The following GRHL2 variants were observed in gnomAD, a reference collection of about 807,000 sequenced individuals.
The protein encoded by GRHL2 is grainyhead-like protein 2 homolog.
Under a neutral mutation model 83.8 loss-of-function variants are expected in GRHL2, and 21 were observed. That is an observed-to-expected ratio of 0.25 (90% CI 0.18 to 0.36). The LOEUF is 0.36. Among genes scored for constraint, GRHL2 ranks in the 10% least tolerant of loss-of-function variants. GRHL2 has a pLI of 1.00. For synonymous variants in GRHL2, 280 were observed against 278.9 expected (o/e 1.00, Z -0.04); for missense variants, 623 against 781.8 (o/e 0.80, Z 2.42).
the GRHL2 span, among the ~76,000 whole-genome samples, chr8:101,678,596 T>A: frequency 6.6e-6 from 1 of 151,730 alleles, no homozygotes; most frequent in African/African-American, 2.4e-5. Flanking sequence ...CAAGGAGGCC[T>A]GCCTGCCTCT....
At chr8:101,652,453 T>TGTGTGGTGTGC (rs1813670774) in intron 14 of GRHL2, among the ~76,000 whole-genome samples, 1 of 74,552 alleles carries the variant, frequency 1.3e-5, no homozygotes, top group Non-Finnish European at 2.6e-5. Flanking sequence ...GTGTGGTGTG[T>TGTGTGGTGTGC]GTCTGGTGTG....
At chr8:101,658,919 C>A (rs1011446826) in intron 14 of GRHL2, among the ~76,000 whole-genome samples, 4 of 152,128 alleles carry the variant, frequency 2.6e-5, no homozygotes, top group Admixed American at 1.3e-4. Flanking sequence ...CTCTTATACA[C>A]AGAAAAATGT....
At chr8:101,652,485 GTGTAT>G (rs1813675291) in intron 14 of GRHL2, among the ~76,000 whole-genome samples, 1 of 45,280 alleles carries the variant, frequency 2.2e-5, no homozygotes, top group Non-Finnish European at 4.0e-5. Flanking sequence ...TGTGGTATGT[GTGTAT>G]GTGTGTGGTG....
intron 1 of GRHL2, among the ~76,000 whole-genome samples, chr8:101,513,500 C>CTTTTTT (rs112134650): frequency 2.0e-5 from 2 of 100,186 alleles, no homozygotes; most frequent in Non-Finnish European, 3.8e-5. Context: ...TATCGTTGTG[C>CTTTTTT]TTTTTTTTTT....
Position 101,634,131 on chromosome 8 carries a change from C to A in GRHL2, c.1485+1766C>A, listed in dbSNP as rs993977236. ...CATTTGCCAGGCAGTCCAATCAGCA[C>A]CCCCCTGTATATCCTGCCTATATAT... On this transcript the variant is annotated intron_variant, in intron 11 of 15. Transcript: ENST00000646743. Among the ~76,000 whole-genome samples, 26 of 152,226 alleles carry A rather than the reference C, an allele frequency of 1.7e-4. No homozygotes were observed. The South Asian group carries it at 1.9e-3, about 11-fold the overall frequency.
At chr8:101,551,021 G>T (rs1205259280) in intron 2 of GRHL2, among the ~76,000 whole-genome samples, 1 of 152,090 alleles carries the variant, frequency 6.6e-6, no homozygotes, top group Non-Finnish European at 1.5e-5. Flanking sequence ...TTGGACATTT[G>T]GGTGGTTTCC....
chr8:101,658,018 A>C (rs536010268), intron 14 of GRHL2, among the ~76,000 whole-genome samples: 10 of 152,294 alleles, frequency 6.6e-5, no homozygotes, highest in African/African-American at 1.9e-4. Context: ...CCCCTGACAG[A>C]CAGCCAGCTT....
intron 1 of GRHL2, among the ~76,000 whole-genome samples, chr8:101,538,957 G>A (rs1414202032): frequency 6.6e-6 from 1 of 152,176 alleles, no homozygotes; most frequent in African/African-American, 2.4e-5. Context: ...GATCACGTAA[G>A]GATTCATCAA....
intron 5 of GRHL2, among the ~76,000 whole-genome samples, chr8:101,572,917 A>G (rs1322405336): frequency 6.6e-6 from 1 of 152,238 alleles, no homozygotes; most frequent in African/African-American, 2.4e-5. Context: ...CGTCTCTACC[A>G]CAACGACTCA....
chr8:101,671,333 G>A (rs1814204279), downstream of GRHL2, among the ~76,000 whole-genome samples: 1 of 152,156 alleles, frequency 6.6e-6, no homozygotes, highest in Non-Finnish European at 1.5e-5. Flanking sequence ...TTTTCCAATG[G>A]GCTTAAAAAA....
chr8:101,676,127 T>C, the GRHL2 span, among the ~76,000 whole-genome samples: 2 of 151,400 alleles, frequency 1.3e-5, no homozygotes, highest in Non-Finnish European at 3.0e-5. Flanking sequence ...ACCTAGGCAT[T>C]ACCATTCAGG....
intron 13 of GRHL2, among the ~76,000 whole-genome samples, chr8:101,649,198 A>G (rs1342428623): frequency 1.3e-5 from 2 of 152,218 alleles, no homozygotes; most frequent in Non-Finnish European, 2.9e-5. Flanking sequence ...TTGTCGGTTT[A>G]TCTCATCTAA....
chr8:101,561,032 A>G (rs1332311213), intron 4 of GRHL2, among the ~76,000 whole-genome samples: 1 of 151,748 alleles, frequency 6.6e-6, no homozygotes, highest in African/African-American at 2.4e-5. Context: ...TGCATTTGTT[A>G]TATCATTTAA....
At chr8:101,580,869 A>G (rs1205477296) in intron 7 of GRHL2, among the ~76,000 whole-genome samples, 2 of 151,896 alleles carry the variant, frequency 1.3e-5, no homozygotes, top group African/African-American at 4.8e-5. Context: ...ACGCCCAGCT[A>G]ATTTTTTGTA....
At chr8:101,679,725 T>C in the GRHL2 span, among the ~76,000 whole-genome samples, 1 of 151,172 alleles carries the variant, frequency 6.6e-6, no homozygotes, top group Non-Finnish European at 1.5e-5. Context: ...ACAGCTGATC[T>C]CTCGGCAGAA....
intron 4 of GRHL2, among the ~76,000 whole-genome samples, chr8:101,567,465 A>G (rs888465061): frequency 6.6e-6 from 1 of 152,226 alleles, no homozygotes; most frequent in Non-Finnish European, 1.5e-5. Context: ...CATGTAACCC[A>G]TCAATGTAAT....
At chr8:101,583,747 C>A (rs1368339417) in intron 7 of GRHL2, among the ~76,000 whole-genome samples, 1 of 152,294 alleles carries the variant, frequency 6.6e-6, no homozygotes, top group East Asian at 1.9e-4. Flanking sequence ...TCCAAAACCA[C>A]GTTCTCGGGA....
chr8:101,601,607 A>G (rs1266822886), intron 8 of GRHL2, among the ~76,000 whole-genome samples: 1 of 152,242 alleles, frequency 6.6e-6, no homozygotes, highest in Non-Finnish European at 1.5e-5. Context: ...TTAAGCTCAC[A>G]TACGCTTTGA....
Position 101,664,510 on chromosome 8 carries a change from CA to C in GRHL2, c.1761del (p.Gly588AlafsTer4), listed in dbSNP as rs1814002300. 6.2e-7 allele frequency: 1 copy of C among 1,605,766 alleles called. No individual in the cohort carries two copies. The highest frequency in any genetic ancestry group is 8.5e-7 in the Non-Finnish European group (1 of 1,175,610). On this transcript the variant is annotated frameshift_variant, in exon 15 of 16. Coordinates refer to ENST00000646743, the MANE Select transcript of GRHL2 (RefSeq NM_024915.4). LOFTEE classifies it high-confidence loss of function. Reference protein sequence around the residue: ...EKIAKLYKKSKKGILVNMDDN... With the variant: ...EKIAKLYKKSXKGILVNMDDN... ...AGATAGCAAAGCTTTACAAGAAAAG[CA>C]AAAAAGGGTAAGAAAGAAACTGAAC...
Sources: gnomAD v4.1 joint callset for allele counts (sites outside exome capture counted in the v4.1 genomes callset) on GRCh38, gnomAD v4.1.1 for gene constraint, MANE v1.5 for transcripts, NCBI Gene and HGNC (gene_info 2026-07-23, HGNC 2026-07-21) for gene names.